Variants in CCDC14 observed in about 807,000 individuals in gnomAD.
CCDC14 encodes coiled-coil domain containing 14, also known as coiled-coil domain-containing protein 14.
Under a neutral mutation model 81.4 loss-of-function variants are expected in CCDC14, and 71 were observed. That is an observed-to-expected ratio of 0.87 (90% CI 0.72 to 1.06). The LOEUF (loss-of-function observed/expected upper bound fraction) is 1.06, where lower values mean the gene tolerates loss of function less well. Ranked by LOEUF, CCDC14 falls within the 50% of genes least tolerant of loss-of-function variation. The pLI is 0.00. For synonymous variants in CCDC14, 332 were observed against 364.8 expected (o/e 0.91, Z 1.03); for missense variants, 1,046 against 1,047.3 (o/e 1.00, Z 0.02).
chr3:123,945,622 C>T (rs1427290644), intron 8 of CCDC14, among the ~76,000 whole-genome samples: 1 of 152,018 alleles, frequency 6.6e-6, no homozygotes, highest in Non-Finnish European at 1.5e-5. Flanking sequence ...AATTCTTTTG[C>T]CTTTTATCTT....
chr3:123,944,482 T>C (rs1289707248), intron 9 of CCDC14, among the ~76,000 whole-genome samples: 1 of 152,098 alleles, frequency 6.6e-6, no homozygotes, highest in Non-Finnish European at 1.5e-5. Flanking sequence ...GAGCCACCAA[T>C]GATCCATGTT....
At chr3:123,957,715 G>T (rs2037408882) in intron 1 of CCDC14, 1 of 152,034 alleles carries the variant, frequency 6.6e-6, no homozygotes, top group South Asian at 2.1e-4. Context: ...GGGAAACAGA[G>T]TATCTGGGGG....
intron 5 of CCDC14, chr3:123,954,216 C>G (rs2037201302): frequency 6.6e-6 from 1 of 152,138 alleles, no homozygotes; most frequent in Admixed American, 6.6e-5. Flanking sequence ...ATAAAAAGGC[C>G]TCTGCTTTAA....
At chr3:123,929,611 A>G (rs1214491596) in intron 12 of CCDC14, among the ~76,000 whole-genome samples, 4 of 152,142 alleles carry the variant, frequency 2.6e-5, no homozygotes, top group African/African-American at 9.7e-5. Context: ...CATATAATTT[A>G]CATACCACAA....
At chr3:123,931,030 C>T in intron 12 of CCDC14, 72 bp downstream of exon 12, 1 of 1,316,718 alleles carries the variant, frequency 7.6e-7, no homozygotes, top group Non-Finnish European at 1.0e-6. Flanking sequence ...ACAGGTCTAA[C>T]ATTATTTTGA....
Position 123,955,845 on chromosome 3 carries a change from G to A in CCDC14, c.350C>T (p.Thr117Ile). The A allele has an allele frequency of 6.6e-7, 1 of 1,506,306 alleles. No individual in the cohort carries two copies. The highest frequency in any genetic ancestry group is 8.9e-7 in the Non-Finnish European group (1 of 1,127,692). 93.3% of individuals were successfully genotyped at this position (1,506,306 alleles called of 1,614,324 possible). The change falls in exon 5 of 13, where the codon ACA becomes ATA. Residue 117 changes from threonine (T) to isoleucine (I), a missense_variant and splice_region_variant. Transcript: ENST00000409697. ...TAACTAAGAGAAAAAAGGCTTACAT[G>A]TTTCTTTCTGGACTACCAAAGGAAT... ...HTIPLVVQKE[T>I]SSSDNKKQIP... is the part of the protein sequence containing the mutation.
At position 123,903,657 on chromosome 3, in the gene CCDC14, C is replaced by T. The variant is rs150313467; in HGVS notation, c.668-6044G>A. On this transcript the variant is annotated intron_variant, in intron 5 of 5. Transcript: ENST00000479903. ...CTGGCCCACTCTCTGTTTAGTTAAC[C>T]CCTTTCTTGTGTGTCTTTTTATTTT... 2.7e-3 allele frequency among the ~76,000 whole-genome samples: 405 copies of T among 152,298 alleles called. 2 individuals carry two copies. The highest frequency in any genetic ancestry group is 0.013 in the South Asian group (63 of 4,824).
chr3:123,891,822 C>T, the CCDC14 span, among the ~76,000 whole-genome samples: 1 of 152,222 alleles, frequency 6.6e-6, no homozygotes. Context: ...CCCCACTCTG[C>T]TGTTACCAAT....
chr3:123,892,429 A>AGGAAATGTTTCCT (rs1367991053), downstream of CCDC14, among the ~76,000 whole-genome samples: 1,016 of 152,214 alleles, frequency 6.7e-3, 16 homozygotes, highest in African/African-American at 0.024. Flanking sequence ...TTTCCCTCCT[A>AGGAAATGTTTCCT]GGCCTCCAGG....
intron 5 of CCDC14, among the ~76,000 whole-genome samples, chr3:123,901,050 G>C (rs977120022): frequency 4.6e-5 from 7 of 151,894 alleles, no homozygotes; most frequent in Non-Finnish European, 7.4e-5. Context: ...TGGCTAACAC[G>C]GTGAAGCCCT....
chr3:123,931,365 G>C lies in CCDC14; in HGVS notation c.1588C>G (p.Gln530Glu). The C allele has an allele frequency of 2.6e-6, 4 of 1,520,464 alleles. No homozygotes were observed. Among genetic ancestry groups the C allele is most frequent in the Non-Finnish European group, 3.6e-6 (4 of 1,118,946 alleles). The allele number at this position is 1,520,464 out of a possible 1,614,324, so 94.2% of individuals were successfully genotyped here. A position where few individuals can be genotyped will look rare whatever the true frequency, so the allele number is the denominator to read the frequency against. ...TGCTGTTTATTTTCAAGTATAGTTT[G>C]ATCTTTGTCTTTAAATATACTACTA... ...KFSSIFKDKD[Q>E]TILENKQQYD... The change falls in exon 11 of 13, where the codon CAA becomes GAA. Residue 530 changes from glutamine (Q) to glutamate (E), a missense_variant. Transcript: ENST00000409697.
chr3:123,901,558 A>G (rs1358068090), intron 5 of CCDC14, among the ~76,000 whole-genome samples: 2 of 152,070 alleles, frequency 1.3e-5, no homozygotes, highest in African/African-American at 4.8e-5. Flanking sequence ...ATTTAAATGT[A>G]AAAAAAATTT....
At chr3:123,927,700 T>G (rs970718825) in intron 12 of CCDC14, among the ~76,000 whole-genome samples, 4 of 152,146 alleles carry the variant, frequency 2.6e-5, no homozygotes, top group African/African-American at 9.7e-5. Flanking sequence ...AGCAAAAGTC[T>G]GTATCTAATA....
intron 9 of CCDC14, among the ~76,000 whole-genome samples, chr3:123,941,119 A>G (rs1047521571): frequency 1.3e-5 from 2 of 151,948 alleles, no homozygotes; most frequent in Admixed American, 6.6e-5. Flanking sequence ...CTCTAGCTCA[A>G]TGGCTCTTAA....
chr3:123,951,874 T>C (rs17310322), intron 5 of CCDC14, among the ~76,000 whole-genome samples: 71,336 of 152,034 alleles, frequency 0.47, 19,053 homozygotes, highest in Non-Finnish European at 0.63. Context: ...ATAAACTCAG[T>C]CCACACAAAT....
chr3:123,905,211 C>T (rs1203172678), intron 5 of CCDC14, among the ~76,000 whole-genome samples: 1 of 152,050 alleles, frequency 6.6e-6, no homozygotes, highest in East Asian at 1.9e-4. Flanking sequence ...TACTGAGAAA[C>T]CTTTGGGGAG....
intron 8 of CCDC14, among the ~76,000 whole-genome samples, chr3:123,945,658 A>C (rs1321222376): frequency 1.3e-5 from 2 of 152,146 alleles, no homozygotes; most frequent in African/African-American, 2.4e-5. Context: ...ATTCATATTT[A>C]CTACGGGCTG....
chr3:123,935,315 A>G (rs192181319), intron 9 of CCDC14, among the ~76,000 whole-genome samples: 5 of 152,342 alleles, frequency 3.3e-5, no homozygotes, highest in African/African-American at 9.6e-5. Flanking sequence ...TCATGTGATT[A>G]TATCAGTATA....
chr3:123,917,473 C>A (rs2034777579), intron 12 of CCDC14, among the ~76,000 whole-genome samples: 1 of 148,648 alleles, frequency 6.7e-6, no homozygotes, highest in African/African-American at 2.5e-5. Context: ...CCAGCCTGGG[C>A]AACAGGGCGA....
Sources: gnomAD v4.1 joint callset for allele counts (sites outside exome capture counted in the v4.1 genomes callset) on GRCh38, gnomAD v4.1.1 for gene constraint, MANE v1.5 for transcripts, NCBI Gene and HGNC (gene_info 2026-07-23, HGNC 2026-07-21) for gene names.